Variants in UBE2G1 observed in about 807,000 individuals in gnomAD.
UBE2G1 encodes ubiquitin conjugating enzyme E2 G1, also known as ubiquitin-conjugating enzyme E2 G1.
A neutral mutation model predicts 22.7 loss-of-function variants in UBE2G1; 5 were observed. That is an observed-to-expected ratio of 0.22 (90% CI 0.12 to 0.46). The LOEUF is 0.46. UBE2G1 is among the 20% of genes least tolerant of loss of function. The probability of loss-of-function intolerance (pLI) is 0.99; values close to 1 mark genes in which losing one functional copy is unlikely to be tolerated. For synonymous variants in UBE2G1, 74 were observed against 67.5 expected, an observed-to-expected ratio of 1.10 and a Z score of -0.47; for missense variants, 88 against 203.9, an observed-to-expected ratio of 0.43 and a Z score of 3.46.
intron 1 of UBE2G1, among the ~76,000 whole-genome samples, chr17:4,326,010 ACT>A (rs1567523947): frequency 1.3e-5 from 2 of 152,128 alleles, no homozygotes. Flanking sequence ...AAACTTTAAA[ACT>A]CTCAGGCGAA....
Position 4,300,318 on chromosome 17 carries a change from G to A in UBE2G1, c.150-3504C>T, listed in dbSNP as rs149490300. On this transcript the variant is annotated intron_variant, in intron 2 of 5. Coordinates refer to ENST00000396981, the MANE Select transcript of UBE2G1 (RefSeq NM_003342.5). ...AGCACTTTGGGAGGCTGAGGCGGGC[G>A]GATCACTTGAGGTCAGGAGTTCGAA... 7.2e-3 allele frequency among the ~76,000 whole-genome samples: 1,074 copies of A among 149,172 alleles called. 15 individuals are homozygous for A. The highest frequency in any genetic ancestry group is 0.025 in the African/African-American group (1,023 of 40,646).
intron 1 of UBE2G1, among the ~76,000 whole-genome samples, chr17:4,318,019 G>A (rs925020808): frequency 6.6e-6 from 1 of 152,152 alleles, no homozygotes; most frequent in African/African-American, 2.4e-5. Flanking sequence ...TTTGGGCACA[G>A]CATATGATAT....
intron 1 of UBE2G1, among the ~76,000 whole-genome samples, chr17:4,334,070 GTT>G (rs1019776088): frequency 4.1e-5 from 6 of 145,630 alleles, no homozygotes; most frequent in Non-Finnish European, 7.6e-5. Flanking sequence ...AATTTCCATG[GTT>G]TTTTTTTTTT....
At chr17:4,343,872 C>A (rs1969739244) in intron 1 of UBE2G1, among the ~76,000 whole-genome samples, 1 of 152,078 alleles carries the variant, frequency 6.6e-6, no homozygotes, top group African/African-American at 2.4e-5. Flanking sequence ...CAGGCGTGAG[C>A]CACCGCGCCC....
rs1276316826 is a variant in UBE2G1 at position 4,366,486 on chromosome 17, A to C, written c.-170T>G. 1.8e-6 allele frequency: 1 copy of C among 554,424 alleles called. No individual in the cohort carries two copies. The highest frequency in any genetic ancestry group is 2.9e-6 in the Non-Finnish European group (1 of 349,106). 34.3% of individuals were successfully genotyped at this position (554,424 alleles called of 1,614,324 possible). ...GGAGCGGCGCCTCGCTGCCGGTGCG[A>C]GTCCGCTCGCTTCAGCTCTTTTCAC... On this transcript the variant is annotated 5_prime_UTR_variant, in exon 1 of 6. Transcript: ENST00000396981.
At chr17:4,278,607 A>G (rs1968848497) in intron 5 of UBE2G1, among the ~76,000 whole-genome samples, 1 of 152,236 alleles carries the variant, frequency 6.6e-6, no homozygotes, top group Non-Finnish European at 1.5e-5. Flanking sequence ...CCATTGTTAG[A>G]ACACATTAGT....
intron 3 of UBE2G1, among the ~76,000 whole-genome samples, chr17:4,295,748 T>C (rs8073409): frequency 7.5e-4 from 114 of 151,920 alleles, no homozygotes; most frequent in African/African-American, 2.6e-3. Flanking sequence ...CTTTGGGGAC[T>C]TTATTTTACT....
At chr17:4,330,725 G>C (rs1408700931) in intron 1 of UBE2G1, among the ~76,000 whole-genome samples, 1 of 151,874 alleles carries the variant, frequency 6.6e-6, no homozygotes, top group Admixed American at 6.6e-5. Flanking sequence ...CAACAAGAGT[G>C]AAACTCCATC....
At chr17:4,305,988 C>G (rs929915343) in intron 2 of UBE2G1, among the ~76,000 whole-genome samples, 1 of 152,224 alleles carries the variant, frequency 6.6e-6, no homozygotes, top group Non-Finnish European at 1.5e-5. Flanking sequence ...TTCTACTGCT[C>G]TTTCACACCA....
chr17:4,347,030 G>GT (rs534007968), intron 1 of UBE2G1, among the ~76,000 whole-genome samples: 195 of 152,120 alleles, frequency 1.3e-3, no homozygotes, highest in African/African-American at 4.5e-3. Flanking sequence ...GTGTATGCTT[G>GT]TAATCTCAGC....
chr17:4,318,498 G>A (rs1044969733), intron 1 of UBE2G1, among the ~76,000 whole-genome samples: 2 of 152,140 alleles, frequency 1.3e-5, no homozygotes, highest in African/African-American at 4.8e-5. Context: ...CGAAGAATAA[G>A]CAACAAGAAA....
At chr17:4,317,720 G>A (rs1447772215) in intron 1 of UBE2G1, among the ~76,000 whole-genome samples, 2 of 152,178 alleles carry the variant, frequency 1.3e-5, no homozygotes, top group Non-Finnish European at 2.9e-5. Context: ...TCTGCTACCT[G>A]TAATATTTCA....
chr17:4,311,212 G>A (rs983568372), intron 1 of UBE2G1, among the ~76,000 whole-genome samples: 1 of 152,132 alleles, frequency 6.6e-6, no homozygotes, highest in African/African-American at 2.4e-5. Context: ...GGGCAACAGA[G>A]CCAGACCTTG....
chr17:4,340,482 C>T (rs1303972326), intron 1 of UBE2G1, among the ~76,000 whole-genome samples: 1 of 152,112 alleles, frequency 6.6e-6, no homozygotes, highest in African/African-American at 2.4e-5. Flanking sequence ...ACCTCATGGG[C>T]TGTGATTAGA....
chr17:4,280,755 A>T (rs892068224), intron 5 of UBE2G1, among the ~76,000 whole-genome samples: 2 of 151,486 alleles, frequency 1.3e-5, no homozygotes, highest in Non-Finnish European at 2.9e-5. Context: ...CTCCTGCCTC[A>T]GCCTCCTAAC....
chr17:4,327,046 A>C (rs1361911869), intron 1 of UBE2G1, among the ~76,000 whole-genome samples: 1 of 152,190 alleles, frequency 6.6e-6, no homozygotes, highest in Admixed American at 6.5e-5. Context: ...CTGTAATCCC[A>C]GTACTTTGGG....
At chr17:4,353,431 A>G (rs1969868417) in intron 1 of UBE2G1, among the ~76,000 whole-genome samples, 2 of 150,198 alleles carry the variant, frequency 1.3e-5, no homozygotes, top group Admixed American at 1.3e-4. Flanking sequence ...AACCCCATAT[A>G]TATATAGAGT....
intron 1 of UBE2G1, among the ~76,000 whole-genome samples, chr17:4,320,758 G>A (rs945255224): frequency 6.6e-6 from 1 of 151,932 alleles, no homozygotes; most frequent in African/African-American, 2.4e-5. Context: ...TTCAGACTTA[G>A]GCTACACCAC....
At chr17:4,283,753 G>T (rs1318281704) in intron 4 of UBE2G1, among the ~76,000 whole-genome samples, 1 of 152,058 alleles carries the variant, frequency 6.6e-6, no homozygotes. Context: ...GCAGGAGAGA[G>T]AGGAGTTGGA....
Sources: allele counts gnomAD v4.1 joint callset (sites outside exome capture counted in the v4.1 genomes callset), GRCh38; gene constraint gnomAD v4.1.1; transcripts MANE v1.5; gene names NCBI Gene and HGNC (gene_info 2026-07-23, HGNC 2026-07-21).